Variants in ARL5A observed in about 807,000 individuals in gnomAD.
ARL5A encodes ADP-ribosylation factor-like protein 5A.
ARL5A carries 18 observed loss-of-function variants against 25.9 expected under a neutral mutation model. The ratio of observed to expected loss-of-function variants is 0.69; its 90% CI spans 0.48 to 1.03. The LOEUF is 1.03. Among genes scored for constraint, ARL5A ranks in the 50% least tolerant of loss-of-function variants. The pLI, the probability that ARL5A is intolerant of heterozygous loss-of-function variation, is 0.00. For missense variants in ARL5A, 170 were observed against 211.9 expected (o/e 0.80, Z 1.23); for synonymous variants, 61 against 67.5 (o/e 0.90, Z 0.47).
At chr2:151,816,420 G>T (rs2099831510) in intron 1 of ARL5A, among the ~76,000 whole-genome samples, 1 of 152,198 alleles carries the variant, frequency 6.6e-6, no homozygotes, top group Non-Finnish European at 1.5e-5. Context: ...CTTCCTAGCT[G>T]AGCTTAGTCG....
chr2:151,814,374 AT>A, intron 2 of ARL5A, 58 bp from the exon 3 acceptor site: 1 of 1,361,418 alleles, frequency 7.3e-7, no homozygotes, highest in South Asian at 1.6e-5. Context: ...TGCTTGAACA[AT>A]TTTTTAATCA....
rs2099830173 is a variant in ARL5A at position 151,806,873 on chromosome 2, T to A, written c.439A>T (p.Ile147Phe). The part of the protein sequence containing the change: ...EISQFLKLTS[I>F]KDHQWHIQAC... The stretch of plus-strand genomic sequence containing the variant: ...TGGATATGCCACTGGTGATCTTTAA[T>A]AGAAGTTAGCTTCAAAAACTGGGAG... The change falls in exon 5 of 6, where the codon ATT becomes TTT. Residue 147 changes from isoleucine (I) to phenylalanine (F), a missense_variant. By Grantham distance (21) the Ile-to-Phe change is conservative. Coordinates refer to ENST00000295087, the MANE Select transcript of ARL5A (RefSeq NM_012097.4). 3.1e-6 allele frequency: 5 copies of A among 1,613,522 alleles called. No homozygotes were observed. In the African/African-American group the frequency reaches 6.7e-5, roughly 22 times the overall value.
At position 151,807,288 on chromosome 2, in the gene ARL5A, G is replaced by A. The variant is rs2099830216; in HGVS notation, c.340-316C>T. On this transcript the variant is annotated intron_variant, in intron 4 of 5. Transcript: ENST00000295087. ...AGAACTACCTTTTAGCCTAATACTT[G>A]AGAGCTCTCCAAAATTTTATCTTGC... is the stretch of plus-strand genomic sequence containing the variant. Among the ~76,000 whole-genome samples, 3 of 151,924 alleles carry A rather than the reference G, an allele frequency of 2.0e-5. No homozygotes were observed. In the South Asian group the frequency reaches 6.2e-4, roughly 31 times the overall value.
chr2:151,812,331 C>A (rs745773568), intron 4 of ARL5A, 26 bp downstream of exon 4: 2 of 1,478,150 alleles, frequency 1.4e-6, no homozygotes, highest in South Asian at 1.2e-5. Context: ...TTCCCCATAT[C>A]TAATGTAAAA....
chr2:151,818,525 C>G (rs2099831830), intron 1 of ARL5A, among the ~76,000 whole-genome samples: 1 of 152,166 alleles, frequency 6.6e-6, no homozygotes, highest in Admixed American at 6.5e-5. Flanking sequence ...AATCCTCCCG[C>G]CTCAGCCTCA....
intron 4 of ARL5A, 108 bp from the exon 5 acceptor site, chr2:151,807,080 T>C: frequency 9.5e-7 from 1 of 1,048,288 alleles, no homozygotes; most frequent in South Asian, 1.7e-5. Context: ...TTCTCAACTA[T>C]GTGACATAAA....
intron 1 of ARL5A, among the ~76,000 whole-genome samples, chr2:151,824,502 A>G (rs1176445643): frequency 1.3e-5 from 2 of 152,108 alleles, no homozygotes; most frequent in African/African-American, 4.8e-5. Context: ...AATAATAATA[A>G]TAACAACAAT....
At chr2:151,815,062 G>A in intron 2 of ARL5A, 77 bp downstream of exon 2, 2 of 1,051,194 alleles carry the variant, frequency 1.9e-6, no homozygotes, top group South Asian at 2.8e-5. Flanking sequence ...ATTTCTTACT[G>A]CATTCATTGA....
chr2:151,828,077 CG>C (rs1218282986), intron 1 of ARL5A, 53 bp downstream of exon 1: 1 of 1,584,346 alleles, frequency 6.3e-7, no homozygotes, highest in Non-Finnish European at 8.6e-7. Context: ...CCCACCTAGC[CG>C]GCCCGAGCTG....
At chr2:151,805,685 T>G (rs1578371235) in intron 5 of ARL5A, among the ~76,000 whole-genome samples, 1 of 152,178 alleles carries the variant, frequency 6.6e-6, no homozygotes, top group Non-Finnish European at 1.5e-5. Context: ...TACTAAATTC[T>G]GTAGGTAACC....
chr2:151,807,363 G>A (rs2099830227), intron 4 of ARL5A, among the ~76,000 whole-genome samples: 1 of 152,146 alleles, frequency 6.6e-6, no homozygotes, highest in Admixed American at 6.5e-5. Flanking sequence ...GTACTCTGCT[G>A]TAATTAGCAA....
Position 151,801,198 on chromosome 2 carries a change from T to C in ARL5A, c.*2078A>G, listed in dbSNP as rs1423583019. 1.3e-5 allele frequency: 2 copies of C among 152,618 alleles called. No individual in the cohort carries two copies. The highest frequency in any genetic ancestry group is 2.9e-5 in the Non-Finnish European group (2 of 68,006). 9.5% of individuals were successfully genotyped at this position (152,618 alleles called of 1,614,324 possible). ...TTACACATCTTCTCATGATGTCATG[T>C]CAATAATCCACTACACTAAACCAAC... On this transcript the variant is annotated 3_prime_UTR_variant, in exon 6 of 6. Transcript: ENST00000295087.
chr2:151,816,100 G>A (rs2099831465), intron 1 of ARL5A, among the ~76,000 whole-genome samples: 1 of 152,154 alleles, frequency 6.6e-6, no homozygotes, highest in Non-Finnish European at 1.5e-5. Flanking sequence ...TGATTTCTGA[G>A]CCTAAATCAT....
Position 151,806,677 on chromosome 2 carries a change from G to A in ARL5A, c.491+144C>T, listed in dbSNP as rs140293441. On this transcript the variant is annotated intron_variant, in intron 5 of 5. Coordinates refer to ENST00000295087, the MANE Select transcript of ARL5A (RefSeq NM_012097.4). ...TACAGAACCACCCTAAAAAGTCTCT[G>A]ATTATAGACATGAACTACAGCTTAC... 1.0e-4 allele frequency: 76 copies of A among 754,010 alleles called. 1 individual carries two copies. The African/African-American group carries it at 1.3e-3, about 13-fold the overall frequency. The allele number at this position is 754,010 out of a possible 1,614,324, so 46.7% of individuals were successfully genotyped here. A position where few individuals can be genotyped will look rare whatever the true frequency, so the allele number is the denominator to read the frequency against.
At chr2:151,817,510 G>C (rs2099831674) in intron 1 of ARL5A, among the ~76,000 whole-genome samples, 1 of 152,172 alleles carries the variant, frequency 6.6e-6, no homozygotes, top group South Asian at 2.1e-4. Context: ...CCACTTACCA[G>C]AGGAAATTCC....
chr2:151,800,055 T>C lies in ARL5A; in HGVS notation c.*3221A>G, dbSNP rs1245494050. On this transcript the variant is annotated 3_prime_UTR_variant, in exon 6 of 6. Transcript: ENST00000295087. ...TTGATGACAACATACAACTGGGCAG[T>C]TGAGAGAAGACTGGAGTTTGGAGAT... The C allele has an allele frequency of 6.6e-6, 1 of 152,188 alleles. No homozygotes were observed. The highest frequency in any genetic ancestry group is 2.4e-5 in the African/African-American group (1 of 41,426). The allele number at this position is 152,188 out of a possible 1,614,324, so 9.4% of individuals were successfully genotyped here. A position where few individuals can be genotyped will look rare whatever the true frequency, so the allele number is the denominator to read the frequency against.
chr2:151,812,284 T>C, intron 4 of ARL5A, 73 bp downstream of exon 4: 1 of 1,102,562 alleles, frequency 9.1e-7, no homozygotes, highest in Non-Finnish European at 1.3e-6. Flanking sequence ...AGCACCCTCA[T>C]GAGAAACTAG....
rs2099829339 is a variant in ARL5A, at chr2:151,800,944, T to C, written c.*2332A>G. ...AAAACCCAAAAGCATCTCCCTCTGC[T>C]TAATTCCACTTAAACTACATAAAAA... On this transcript the variant is annotated 3_prime_UTR_variant, in exon 6 of 6. Transcript: ENST00000295087. 1 of 152,626 alleles carries C rather than the reference T, an allele frequency of 6.6e-6. No individual in the cohort carries two copies. Among genetic ancestry groups the C allele is most frequent in the Admixed American group, 6.5e-5 (1 of 15,274 alleles). 9.5% of individuals were successfully genotyped at this position (152,626 alleles called of 1,614,324 possible). A position where few individuals can be genotyped will look rare whatever the true frequency, so the allele number is the denominator to read the frequency against.
rs779033127 is a variant in ARL5A, at chr2:151,802,982, T to C, written c.*294A>G. On this transcript the variant is annotated 3_prime_UTR_variant, in exon 6 of 6. Transcript: ENST00000295087. Reference sequence around the variant, plus strand: ...ATAATAAAGCTCTTAAAATTCAAAATGTCTTCCTCTCCCTTTGTACTTACC... The same window carrying C: ...ATAATAAAGCTCTTAAAATTCAAAACGTCTTCCTCTCCCTTTGTACTTACC... The C allele has an allele frequency of 1.5e-5, 4 of 269,824 alleles. No homozygotes were observed. The highest frequency in any genetic ancestry group is 2.5e-4 in the South Asian group (2 of 7,996). 16.7% of individuals were successfully genotyped at this position (269,824 alleles called of 1,614,324 possible). A position where few individuals can be genotyped will look rare whatever the true frequency, so the allele number is the denominator to read the frequency against.
Sources: allele counts gnomAD v4.1 joint callset (sites outside exome capture counted in the v4.1 genomes callset), GRCh38; gene constraint gnomAD v4.1.1; transcripts MANE v1.5; gene names NCBI Gene and HGNC (gene_info 2026-07-23, HGNC 2026-07-21).